PPIL4: variants seen among roughly 807,000 people sequenced by gnomAD.
PPIL4 encodes peptidylprolyl isomerase like 4, also known as peptidyl-prolyl cis-trans isomerase-like 4.
In PPIL4, 50 loss-of-function variants were observed where a neutral mutation model predicts 69.1. The observed-to-expected ratio is 0.72, with a 90% CI of 0.58 to 0.92. PPIL4 has a LOEUF of 0.92. Ranked by LOEUF, PPIL4 falls within the 40% of genes least tolerant of loss-of-function variation. PPIL4 has a pLI of 0.00. For missense variants in PPIL4, 480 were observed against 587.9 expected, an observed-to-expected ratio of 0.82 and a Z score of 1.90; for synonymous variants, 193 against 191.6, an observed-to-expected ratio of 1.01 and a Z score of -0.06.
chr6:149,518,199 T>C (rs1398583342), intron 10 of PPIL4, among the ~76,000 whole-genome samples: 2 of 152,054 alleles, frequency 1.3e-5, no homozygotes, highest in East Asian at 1.9e-4. Flanking sequence ...CTCAGGAAAA[T>C]AGGACCTACT....
At position 149,533,484 on chromosome 6, in the gene PPIL4, T is replaced by G; in HGVS notation, c.652A>C (p.Lys218Gln). Residue 218 changes from lysine (K) to glutamine (Q), a missense_variant, in exon 7 of 13, where the codon AAA (lysine) becomes CAA (glutamine). Lys to Gln is a moderately conservative substitution (Grantham distance 53). Transcript: ENST00000253329. ...VEEIKAEKEA[K>Q]TQAILLEMVG... ...ATCTCCAAAAGTATAGCCTGAGTTT[T>G]AGCCTCTTTTTCTGCCTTTATTTCT... is the stretch of plus-strand genomic sequence containing the variant. 1 of 1,601,860 alleles carries G rather than the reference T, an allele frequency of 6.2e-7. No individual in the cohort carries two copies. The highest frequency in any genetic ancestry group is 8.6e-7 in the Non-Finnish European group (1 of 1,169,252).
At chr6:149,509,344 A>C (rs1776808877) in intron 12 of PPIL4, among the ~76,000 whole-genome samples, 1 of 152,178 alleles carries the variant, frequency 6.6e-6, no homozygotes, top group South Asian at 2.1e-4. Flanking sequence ...CAAAAAAAAC[A>C]CAACCAGTCT....
intron 12 of PPIL4, among the ~76,000 whole-genome samples, chr6:149,510,127 G>A (rs6926725): frequency 0.027 from 4,102 of 152,220 alleles, 162 homozygotes; most frequent in African/African-American, 0.093. Flanking sequence ...AGTATGGCCT[G>A]AAAACGGGAT....
chr6:149,507,538 T>C (rs1199320761), intron 12 of PPIL4, among the ~76,000 whole-genome samples: 3 of 152,238 alleles, frequency 2.0e-5, no homozygotes, highest in African/African-American at 7.2e-5. Context: ...CTTGTACTTA[T>C]TTCTGTATTG....
At chr6:149,531,531 C>A (rs1444262623) in intron 7 of PPIL4, among the ~76,000 whole-genome samples, 293 of 135,278 alleles carry the variant, frequency 2.2e-3, no homozygotes, top group South Asian at 3.3e-3. Context: ...AACTCCGTCT[C>A]AAAAAAAAAA....
chr6:149,508,960 C>G (rs1207573291), intron 12 of PPIL4, among the ~76,000 whole-genome samples: 1 of 151,966 alleles, frequency 6.6e-6, no homozygotes, highest in Non-Finnish European at 1.5e-5. Flanking sequence ...ACTGAAAATT[C>G]TCTTTAATGA....
intron 8 of PPIL4, 22 bp downstream of exon 8, chr6:149,526,630 T>C: frequency 6.3e-7 from 1 of 1,586,292 alleles, no homozygotes; most frequent in South Asian, 1.1e-5. Flanking sequence ...TAAATATCTC[T>C]TTCACTAATT....
intron 1 of PPIL4, among the ~76,000 whole-genome samples, chr6:149,545,305 T>C (rs1777422398): frequency 6.6e-6 from 1 of 152,210 alleles, no homozygotes; most frequent in African/African-American, 2.4e-5. Flanking sequence ...AGCCGCCCTC[T>C]TCTGGTTTCC....
In PPIL4 at chr6:149,534,786, A is replaced by C. The variant is rs954659592; in HGVS notation, c.465-12T>G. ...CCGTATGATTTATCCTTACAAAATA[A>C]ATCCAAATCAAATGTTATACATTGA... On this transcript the variant is annotated splice_polypyrimidine_tract_variant and intron_variant, in intron 5 of 12. Transcript: ENST00000253329. 1 of 1,388,636 alleles carries C rather than the reference A, an allele frequency of 7.2e-7. No individual in the cohort carries two copies. Among genetic ancestry groups the C allele is most frequent in the African/African-American group, 1.4e-5 (1 of 69,212 alleles). The allele number at this position is 1,388,636 out of a possible 1,614,324, so 86.0% of individuals were successfully genotyped here.
In PPIL4 at chr6:149,535,606, G is replaced by A; in HGVS notation, c.454C>T (p.Gln152Ter). 1 of 1,610,230 alleles carries A rather than the reference G, an allele frequency of 6.2e-7. No individual in the cohort carries two copies. Among genetic ancestry groups the A allele is most frequent in the South Asian group, 1.1e-5 (1 of 90,458 alleles). ...AAATTGTAACCATACCTGATATCCT[G>A]ATATGGTACAAAGTCCTTGTCAACA... Reference protein sequence around the residue: ...TFVDKDFVPYQDIRINHTVIL... With the variant: ...TFVDKDFVPY Residue 152 changes from glutamine (Q) to a stop codon, truncating the protein, a stop_gained, in exon 5 of 13, where the codon CAG becomes TAG. Transcript: ENST00000253329. LOFTEE classifies it high-confidence loss of function.
chr6:149,521,124 T>C lies in PPIL4; in HGVS notation c.918A>G (p.Ile306Met), dbSNP rs1357075714. The change falls in exon 10 of 13, where the codon ATA becomes ATG. Residue 306 changes from isoleucine to methionine, a missense_variant. Ile to Met is a conservative substitution (Grantham distance 10, BLOSUM62 1). Coordinates refer to ENST00000253329, the MANE Select transcript of PPIL4 (RefSeq NM_139126.4). The part of the protein sequence containing the change: ...KAFFKMDNVL[I>M]DDRRIHVDFS... ...AATCCACATGTATTCTTCTGTCATC[T>C]ATAAGCACATTGTCCATTTTGAAGA... The C allele has an allele frequency of 6.2e-7, 1 of 1,607,266 alleles. No individual in the cohort carries two copies. The highest frequency in any genetic ancestry group is 8.5e-7 in the Non-Finnish European group (1 of 1,175,704).
intron 5 of PPIL4, among the ~76,000 whole-genome samples, chr6:149,535,152 C>T (rs990845292): frequency 1.3e-5 from 2 of 152,130 alleles, no homozygotes; most frequent in Admixed American, 6.6e-5. Flanking sequence ...GTCAGGAGAT[C>T]GTGACCATCC....
chr6:149,521,249 A>C (rs1183123810), intron 9 of PPIL4, 78 bp from the exon 10 acceptor site: 1 of 875,394 alleles, frequency 1.1e-6, no homozygotes, highest in East Asian at 2.5e-5. Flanking sequence ...AAATACAAAA[A>C]GTTTGTTGTT....
At chr6:149,535,185 T>C (rs1234858994) in intron 5 of PPIL4, among the ~76,000 whole-genome samples, 1 of 152,082 alleles carries the variant, frequency 6.6e-6, no homozygotes, top group East Asian at 1.9e-4. Flanking sequence ...TGAAACCCCG[T>C]CTCTACTAAA....
intron 6 of PPIL4, 83 bp downstream of exon 6, chr6:149,534,595 A>T: frequency 1.4e-6 from 1 of 740,106 alleles, no homozygotes. Context: ...TTCGGAAAAA[A>T]TTAACTTTAA....
chr6:149,525,535 T>G (rs1220297759), intron 8 of PPIL4, among the ~76,000 whole-genome samples: 1 of 152,154 alleles, frequency 6.6e-6, no homozygotes, highest in Non-Finnish European at 1.5e-5. Context: ...TCACAACACT[T>G]TTCTAGTCCA....
At chr6:149,538,300 A>G (rs769073078) in intron 4 of PPIL4, among the ~76,000 whole-genome samples, 59 of 152,194 alleles carry the variant, frequency 3.9e-4, no homozygotes, top group Non-Finnish European at 7.5e-4. Context: ...GCCTGCTAAC[A>G]TAACAGTCAT....
chr6:149,521,196 G>C (rs772333324), intron 9 of PPIL4, 25 bp from the exon 10 acceptor site: 2 of 1,309,214 alleles, frequency 1.5e-6, no homozygotes, highest in Non-Finnish European at 2.2e-6. Flanking sequence ...AAAAACTCAA[G>C]CATAAATCTT....
chr6:149,529,762 C>CAA (rs200318761), intron 7 of PPIL4, among the ~76,000 whole-genome samples: 1,019 of 72,432 alleles, frequency 0.014, 21 homozygotes, highest in African/African-American at 0.049. Flanking sequence ...GACTCCGTCT[C>CAA]AAAAAAAAAA....
Sources: gnomAD v4.1 joint callset for allele counts (sites outside exome capture counted in the v4.1 genomes callset) on GRCh38, gnomAD v4.1.1 for gene constraint, MANE v1.5 for transcripts, NCBI Gene and HGNC (gene_info 2026-07-23, HGNC 2026-07-21) for gene names.